Variants in HAPLN3 observed in about 807,000 individuals in gnomAD.
HAPLN3 encodes the protein extracellular link domain containing, 1.
In HAPLN3, 28 loss-of-function variants were observed where a neutral mutation model predicts 28.1. That is an observed-to-expected ratio of 1.00 (90% CI 0.74 to 1.37). The LOEUF (loss-of-function observed/expected upper bound fraction) is 1.37, where lower values mean the gene tolerates loss of function less well. HAPLN3 is among the 40% of genes most tolerant of loss of function. The probability of loss-of-function intolerance (pLI) is 0.00; values close to 1 mark genes in which losing one functional copy is unlikely to be tolerated. For missense variants in HAPLN3, 513 were observed against 504.6 expected, an observed-to-expected ratio of 1.02 and a Z score of -0.16; for synonymous variants, 211 against 213.1, an observed-to-expected ratio of 0.99 and a Z score of 0.09.
At chr15:88,887,766 C>T (rs1652517991) in intron 1 of HAPLN3, among the ~76,000 whole-genome samples, 1 of 151,950 alleles carries the variant, frequency 6.6e-6, no homozygotes, top group African/African-American at 2.4e-5. Flanking sequence ...GAGTTTGAGG[C>T]CAGCCTGGCC....
At chr15:88,882,220 C>G (rs1442774610) in intron 2 of HAPLN3, among the ~76,000 whole-genome samples, 1 of 152,240 alleles carries the variant, frequency 6.6e-6, no homozygotes, top group Non-Finnish European at 1.5e-5. Context: ...ACCGCAAGAC[C>G]TGAAGAAATG....
Position 88,879,420 on chromosome 15 carries a change from C to T in HAPLN3, c.494-151G>A, listed in dbSNP as rs1272165457. 1.3e-6 allele frequency: 2 copies of T among 1,535,898 alleles called. No homozygotes were observed. The highest frequency in any genetic ancestry group is 4.9e-5 in the East Asian group (2 of 40,920). On this transcript the variant is annotated intron_variant, in intron 3 of 4. Coordinates refer to ENST00000359595, the MANE Select transcript of HAPLN3 (RefSeq NM_178232.4). This position sits in a 1 kb window ranked among gnomAD's most constrained non-coding sequence, Gnocchi z 5.0. Reference sequence around the variant, plus strand: ...GAAAAACTCAGCAAACCTCTGACCTCCTGTCCGTTGCCGCCTCTCTCCTGG... The same window carrying T: ...GAAAAACTCAGCAAACCTCTGACCTTCTGTCCGTTGCCGCCTCTCTCCTGG...
Position 88,881,209 on chromosome 15 carries a change from TG to T in HAPLN3, c.493+147del. 2.9e-6 allele frequency: 3 copies of T among 1,030,620 alleles called. No individual in the cohort carries two copies. Among genetic ancestry groups the T allele is most frequent in the Non-Finnish European group, 4.2e-6 (3 of 721,310 alleles). The allele number at this position is 1,030,620 out of a possible 1,614,324, so 63.8% of individuals were successfully genotyped here. A position where few individuals can be genotyped will look rare whatever the true frequency, so the allele number is the denominator to read the frequency against. ...TGCCTCAGTTTTCTCACCTGTAAAA[TG>T]GGGGTCACAACAGTAGCTTCCATGT... On this transcript the variant is annotated intron_variant, in intron 3 of 4. Transcript: ENST00000359595. This position sits in a 1 kb window ranked among gnomAD's most constrained non-coding sequence, Gnocchi z 6.0.
chr15:88,881,742 G>A lies in HAPLN3; in HGVS notation c.125-17C>T. The A allele has an allele frequency of 6.3e-7, 1 of 1,594,974 alleles. No individual in the cohort carries two copies. Among genetic ancestry groups the A allele is most frequent in the Non-Finnish European group, 8.6e-7 (1 of 1,168,584 alleles). On this transcript the variant is annotated splice_polypyrimidine_tract_variant and intron_variant, in intron 2 of 4. Coordinates refer to ENST00000359595, the MANE Select transcript of HAPLN3 (RefSeq NM_178232.4). The surrounding 1 kb of genome is among the most constrained non-coding windows in gnomAD (Gnocchi z 6.0). ...TAAGGAGGTCTTGGGGGAGAGACAG[G>A]GTGCAGATGAGACCTGCTGAAGCAC...
In HAPLN3 at chr15:88,880,535, A is replaced by C. The variant is rs1043016373; in HGVS notation, c.493+822T>G. 3.1e-6 allele frequency: 4 copies of C among 1,286,488 alleles called. No individual in the cohort carries two copies. In the African/African-American group the frequency reaches 4.6e-5, roughly 15 times the overall value. 79.7% of individuals were successfully genotyped at this position (1,286,488 alleles called of 1,614,324 possible). Reference sequence around the variant, plus strand: ...TCATAGCTGGGACGGGCTGGGGCTAAAGTCAGGTCACCTTCCTCTATCCCC... The same window carrying C: ...TCATAGCTGGGACGGGCTGGGGCTACAGTCAGGTCACCTTCCTCTATCCCC... On this transcript the variant is annotated intron_variant, in intron 3 of 4. Coordinates refer to ENST00000359595, the MANE Select transcript of HAPLN3 (RefSeq NM_178232.4). The surrounding 1 kb of genome is among the most constrained non-coding windows in gnomAD (Gnocchi z 6.0).
At chr15:88,882,636 T>A (rs1410276154) in intron 2 of HAPLN3, among the ~76,000 whole-genome samples, 2 of 152,222 alleles carry the variant, frequency 1.3e-5, no homozygotes, top group South Asian at 2.1e-4. Flanking sequence ...CATCTTTAAC[T>A]TGGGAGCCCC....
intron 2 of HAPLN3, among the ~76,000 whole-genome samples, chr15:88,884,999 G>C (rs1374712672): frequency 1.3e-5 from 2 of 152,220 alleles, no homozygotes; most frequent in African/African-American, 4.8e-5. Context: ...GATTTCTGGT[G>C]CCTAAAGCAG....
intron 1 of HAPLN3, chr15:88,892,934 C>G (rs754421539): frequency 5.2e-6 from 8 of 1,532,164 alleles, no homozygotes; most frequent in Non-Finnish European, 7.0e-6. Context: ...ACAGAGGTGC[C>G]ACCAGCTGGA....
intron 2 of HAPLN3, among the ~76,000 whole-genome samples, chr15:88,884,286 C>T (rs554669791): frequency 2.8e-4 from 42 of 151,240 alleles, no homozygotes; most frequent in Non-Finnish European, 4.9e-4. Context: ...GCTTGTAGGC[C>T]GGGCACGGTG....
In HAPLN3 at chr15:88,880,982, T is replaced by C. The variant is rs1022406272; in HGVS notation, c.493+375A>G. ...CTCACAGTGGGCTGCCTCATTCGCT[T>C]GTGTTACCCGCTAACCTTGCTTAAA... On this transcript the variant is annotated intron_variant, in intron 3 of 4. Coordinates refer to ENST00000359595, the MANE Select transcript of HAPLN3 (RefSeq NM_178232.4). The surrounding 1 kb of genome is among the most constrained non-coding windows in gnomAD (Gnocchi z 6.0). Among the ~76,000 whole-genome samples the C allele has an allele frequency of 6.6e-6, 1 of 152,084 alleles. No homozygotes were observed. The highest frequency in any genetic ancestry group is 2.4e-5 in the African/African-American group (1 of 41,408).
At chr15:88,884,868 C>T (rs775712377) in intron 2 of HAPLN3, among the ~76,000 whole-genome samples, 6 of 152,110 alleles carry the variant, frequency 3.9e-5, no homozygotes, top group Non-Finnish European at 5.9e-5. Context: ...GCAGCTACAG[C>T]CAAGGAATGC....
intron 2 of HAPLN3, among the ~76,000 whole-genome samples, chr15:88,884,209 G>C (rs922196919): frequency 1.3e-5 from 2 of 152,200 alleles, no homozygotes; most frequent in Non-Finnish European, 2.9e-5. Flanking sequence ...TGTTGGCCTG[G>C]TAGTGTAGTG....
chr15:88,878,288 C>A (rs74961103), intron 4 of HAPLN3, 32 bp from the exon 5 acceptor site: 2 of 1,576,300 alleles, frequency 1.3e-6, no homozygotes, highest in African/African-American at 1.3e-5. Flanking sequence ...TGCCGTACAG[C>A]GCAGGGGGCA....
Position 88,881,843 on chromosome 15 carries a change from A to C in HAPLN3, c.125-118T>G. ...GGCTCAGATTGCAAAAATGGCCACC[A>C]TGCTCCACCCCTCCCTGTATCCACA... is the stretch of plus-strand genomic sequence containing the variant. On this transcript the variant is annotated intron_variant, in intron 2 of 4. Coordinates refer to ENST00000359595, the MANE Select transcript of HAPLN3 (RefSeq NM_178232.4). This position sits in a 1 kb window ranked among gnomAD's most constrained non-coding sequence, Gnocchi z 6.0. 1 of 991,458 alleles carries C rather than the reference A, an allele frequency of 1.0e-6. No individual in the cohort carries two copies. The highest frequency in any genetic ancestry group is 1.5e-6 in the Non-Finnish European group (1 of 680,272). 61.4% of individuals were successfully genotyped at this position (991,458 alleles called of 1,614,324 possible).
chr15:88,883,841 G>T (rs1897771746), intron 2 of HAPLN3, among the ~76,000 whole-genome samples: 1 of 152,224 alleles, frequency 6.6e-6, no homozygotes, highest in Admixed American at 6.5e-5. Flanking sequence ...ACTTTGGGAG[G>T]CCAAGGCGGG....
intron 2 of HAPLN3, among the ~76,000 whole-genome samples, chr15:88,885,048 T>C (rs1897810598): frequency 6.6e-6 from 1 of 152,228 alleles, no homozygotes; most frequent in African/African-American, 2.4e-5. Context: ...CCACCAAGTT[T>C]GTGTTAATTT....
rs114305087 is a variant in HAPLN3, at chr15:88,888,573, T to C, written c.-47-1228A>G. On this transcript the variant is annotated intron_variant, in intron 1 of 4. Coordinates refer to ENST00000359595, the MANE Select transcript of HAPLN3 (RefSeq NM_178232.4). This position sits in a 1 kb window ranked among gnomAD's most constrained non-coding sequence, Gnocchi z 4.1. The stretch of plus-strand genomic sequence containing the variant: ...TAGCAAACTCCCTTCCTCCCCCGCT[T>C]AAATCTCACACCAAGGGCTACTGCC... Among the ~76,000 whole-genome samples, 1,321 of 152,218 alleles carry C rather than the reference T, an allele frequency of 8.7e-3. 12 individuals are homozygous for C. Among genetic ancestry groups the C allele is most frequent in the African/African-American group, 0.029 (1,211 of 41,524 alleles).
At chr15:88,894,146 C>G (rs2141679492) in intron 1 of HAPLN3, among the ~76,000 whole-genome samples, 1 of 152,298 alleles carries the variant, frequency 6.6e-6, no homozygotes, top group South Asian at 2.1e-4. Context: ...TTTCTCCTCT[C>G]TCACTGCCTA....
intron 2 of HAPLN3, among the ~76,000 whole-genome samples, chr15:88,884,317 C>A (rs1252532259): frequency 6.6e-6 from 1 of 152,156 alleles, no homozygotes; most frequent in African/African-American, 2.4e-5. Context: ...GTAATCCCAG[C>A]ACTTTGGGAG....
Sources: gnomAD v4.1 joint callset for allele counts (sites outside exome capture counted in the v4.1 genomes callset) on GRCh38, gnomAD v4.1.1 for gene constraint, Gnocchi (gnomAD v3.1) non-coding constraint, MANE v1.5 for transcripts, NCBI Gene and HGNC (gene_info 2026-07-23, HGNC 2026-07-21) for gene names.